The following CHM variants were observed in gnomAD, a reference collection of about 807,000 sequenced individuals.
The protein encoded by CHM is CHM Rab escort protein, also known as rab proteins geranylgeranyltransferase component A 1.
In CHM, 10 loss-of-function variants were observed where a neutral mutation model predicts 49.0. The observed-to-expected ratio is 0.20, with a 90% CI of 0.13 to 0.35. CHM has a LOEUF of 0.35. Ranked by LOEUF, CHM falls within the 10% of genes least tolerant of loss-of-function variation. The pLI is 1.00. For synonymous variants in CHM, 184 were observed against 167.5 expected (o/e 1.10, Z -0.76); for missense variants, 455 against 478.4 (o/e 0.95, Z 0.46).
At chrX:85,898,019 G>C (rs1190373417) in intron 11 of CHM, among the ~76,000 whole-genome samples, 1 of 111,107 alleles carries the variant, frequency 9.0e-6, no homozygotes, top group Non-Finnish European at 1.9e-5. Flanking sequence ...GGAATTGTAC[G>C]TCTCTTAACA....
chrX:85,933,271 CAACTT>C (rs1217489868), intron 8 of CHM, among the ~76,000 whole-genome samples: 3 of 111,960 alleles, frequency 2.7e-5, no homozygotes, highest in East Asian at 2.8e-4. Context: ...CATATATTCA[CAACTT>C]AACACAGTTT....
intron 8 of CHM, among the ~76,000 whole-genome samples, chrX:85,926,866 G>C (rs1928115751): frequency 9.0e-6 from 1 of 111,675 alleles, no homozygotes; most frequent in Non-Finnish European, 1.9e-5. Context: ...GGTGATAAAA[G>C]AAAGTTTAAG....
At chrX:85,922,525 C>A (rs1383787304) in intron 8 of CHM, among the ~76,000 whole-genome samples, 2 of 112,706 alleles carry the variant, frequency 1.8e-5, no homozygotes, top group African/African-American at 6.4e-5. Context: ...TCCAACTCAG[C>A]ATGGACTTCC....
intron 5 of CHM, among the ~76,000 whole-genome samples, chrX:85,961,279 G>A (rs1214291754): frequency 9.2e-6 from 1 of 109,181 alleles, no homozygotes; most frequent in Non-Finnish European, 1.9e-5. Context: ...AATTAGCCAG[G>A]CATAGTGGCA....
At chrX:85,909,411 G>T (rs1437255326) in intron 9 of CHM, among the ~76,000 whole-genome samples, 2 of 110,573 alleles carry the variant, frequency 1.8e-5, no homozygotes, top group East Asian at 5.6e-4. Context: ...AGATTCACTT[G>T]GGGTTTTCTT....
At chrX:85,897,325 GTGTGTGTGTGTGTGTGTGTC>G (rs1356056548) in intron 11 of CHM, among the ~76,000 whole-genome samples, 1 of 103,938 alleles carries the variant, frequency 9.6e-6, no homozygotes, top group African/African-American at 3.5e-5. Flanking sequence ...GTGTGTGTGT[GTGTGTGTGTGTGTGTGTGTC>G]TGTGTCTGTT....
chrX:85,898,569 C>T (rs1215065595), intron 11 of CHM, among the ~76,000 whole-genome samples: 2 of 112,300 alleles, frequency 1.8e-5, no homozygotes, highest in African/African-American at 6.5e-5. Context: ...CTCTCTCTTA[C>T]TCTTCACAGC....
chrX:85,932,275 A>G (rs990063961), intron 8 of CHM, among the ~76,000 whole-genome samples: 8 of 112,003 alleles, frequency 7.1e-5, no homozygotes, highest in Non-Finnish European at 1.3e-4. Context: ...TATTAAGACT[A>G]TCTCTCTAAA....
intron 2 of CHM, among the ~76,000 whole-genome samples, chrX:85,996,056 T>A (rs962702554): frequency 1.8e-4 from 20 of 112,052 alleles, no homozygotes; most frequent in Non-Finnish European, 2.8e-4. Flanking sequence ...ACCTTTAAAA[T>A]ACTTATCTCT....
intron 12 of CHM, among the ~76,000 whole-genome samples, chrX:85,888,608 C>A (rs942362662): frequency 9.0e-6 from 1 of 111,445 alleles, no homozygotes; most frequent in Non-Finnish European, 1.9e-5. Flanking sequence ...GACCAAAGAG[C>A]AAAATGGCAG....
Position 85,964,271 on chromosome X carries a change from T to TG in CHM, c.315-220dup, listed in dbSNP as rs1427969608. On this transcript the variant is annotated intron_variant, in intron 4 of 14. Transcript: ENST00000357749. ...TTTAAGACAGACAGGGGAACTGTAT[T>TG]GGAAGCAAATTACCACAGTGATGAA... 2.7e-5 allele frequency among the ~76,000 whole-genome samples: 3 copies of TG among 111,161 alleles called. No individual in the cohort carries two copies. In the Admixed American group the frequency reaches 2.9e-4, roughly 11 times the overall value.
chrX:85,972,698 C>A (rs955371889), intron 4 of CHM, among the ~76,000 whole-genome samples: 2 of 112,531 alleles, frequency 1.8e-5, no homozygotes, highest in Non-Finnish European at 3.8e-5. Context: ...CCAGCTGGCC[C>A]GCAAGCGCCA....
intron 2 of CHM, among the ~76,000 whole-genome samples, chrX:85,984,331 A>G (rs1294845342): frequency 1.3e-4 from 15 of 112,462 alleles, no homozygotes; most frequent in African/African-American, 4.2e-4. Flanking sequence ...ACACTTCACA[A>G]AAGAACATGG....
intron 2 of CHM, among the ~76,000 whole-genome samples, chrX:86,009,219 GTTAA>G (rs1428633771): frequency 8.9e-6 from 1 of 112,301 alleles, no homozygotes; most frequent in Non-Finnish European, 1.9e-5. Context: ...AATTGAAAGG[GTTAA>G]TTTATTTATT....
intron 8 of CHM, among the ~76,000 whole-genome samples, chrX:85,931,700 A>C (rs1448880939): frequency 9.0e-6 from 1 of 111,686 alleles, no homozygotes; most frequent in Non-Finnish European, 1.9e-5. Flanking sequence ...ATGGTGTCAC[A>C]GTGGGACCCA....
rs1264358219 is a variant in CHM at position 85,873,133 on chromosome X, G to A, written c.1689C>T (p.Ser563=). 1 of 1,205,604 alleles carries A rather than the reference G, an allele frequency of 8.3e-7. No homozygotes were observed. Among genetic ancestry groups the A allele is most frequent in the East Asian group, 3.0e-5 (1 of 33,695 alleles). The change falls in exon 14 of 15, where the codon AGC becomes AGT. Residue 563 remains serine (S), a synonymous_variant. Coordinates refer to ENST00000357749, the MANE Select transcript of CHM (RefSeq NM_000390.4). ...NMRDSSDISR[S]CYNDLPSNVY... Reference sequence around the variant, plus strand: ...CGTTGGATGGTAAATCATTATAACAGCTCCTGCTGATGTCTGACGAATCTC... The same window carrying A: ...CGTTGGATGGTAAATCATTATAACAACTCCTGCTGATGTCTGACGAATCTC...
At chrX:85,901,867 C>T (rs1175354681) in intron 9 of CHM, among the ~76,000 whole-genome samples, 1 of 111,762 alleles carries the variant, frequency 8.9e-6, no homozygotes, top group Admixed American at 9.5e-5. Context: ...TGTGTTGGAA[C>T]AATGAATCAT....
intron 2 of CHM, among the ~76,000 whole-genome samples, chrX:85,989,325 T>C (rs935296411): frequency 8.9e-6 from 1 of 112,007 alleles, no homozygotes; most frequent in Non-Finnish European, 1.9e-5. Context: ...GAGCCCTTCC[T>C]TACACCATAT....
Position 85,871,320 on chromosome X carries a change from A to AAAAAAAAAAAAAAAAAAAAAAAG in CHM, c.1770+1731_1770+1732insCTTTTTTTTTTTTTTTTTTTTTT, listed in dbSNP as rs1487188345. Among the ~76,000 whole-genome samples the AAAAAAAAAAAAAAAAAAAAAAAG allele has an allele frequency of 2.5e-4, 26 of 102,976 alleles. 1 individual carries two copies. The highest frequency in any genetic ancestry group is 9.9e-4 in the African/African-American group (26 of 26,357). 89.4% of individuals were successfully genotyped at this position (102,976 alleles called of 115,157 possible). ...AGACTGTCTCAAAAAAAAAAAAAAA[A>AAAAAAAAAAAAAAAAAAAAAAAG]AAGAAGAAATCTGCATGGGCTTGTG... On this transcript the variant is annotated intron_variant, in intron 14 of 14. Coordinates refer to ENST00000357749, the MANE Select transcript of CHM (RefSeq NM_000390.4).
Sources: allele counts gnomAD v4.1 joint callset (sites outside exome capture counted in the v4.1 genomes callset), GRCh38; gene constraint gnomAD v4.1.1; transcripts MANE v1.5; gene names NCBI Gene and HGNC (gene_info 2026-07-23, HGNC 2026-07-21).